Variants in DNAJC13 observed in about 807,000 individuals in gnomAD.
DNAJC13 encodes the protein DnaJ heat shock protein family (Hsp40) member C13.
DNAJC13 carries 75 observed loss-of-function variants against 290.5 expected under a neutral mutation model. The observed-to-expected ratio is 0.26, with a 90% CI of 0.21 to 0.31. The LOEUF (loss-of-function observed/expected upper bound fraction) is 0.31, where lower values mean the gene tolerates loss of function less well. Ranked by LOEUF, DNAJC13 falls within the 10% of genes least tolerant of loss-of-function variation. DNAJC13 has a pLI of 1.00. For missense variants in DNAJC13, 2,260 were observed against 2,674.5 expected (o/e 0.85, Z 3.42); for synonymous variants, 862 against 892.0 (o/e 0.97, Z 0.60).
intron 28 of DNAJC13, among the ~76,000 whole-genome samples, 157 bp downstream of exon 28, chr3:132,483,734 T>C (rs1270109010): frequency 1.3e-5 from 2 of 152,258 alleles, no homozygotes; most frequent in African/African-American, 4.8e-5. Flanking sequence ...ATAAAGAATT[T>C]GCAAATTATA....
At chr3:132,464,984 A>G (rs1171859302) in intron 17 of DNAJC13, among the ~76,000 whole-genome samples, 1 of 152,188 alleles carries the variant, frequency 6.6e-6, no homozygotes, top group Non-Finnish European at 1.5e-5. Context: ...TTTATCTTTT[A>G]CAAATTGCTG....
chr3:132,474,581 C>T (rs1381740685), intron 21 of DNAJC13, among the ~76,000 whole-genome samples: 1 of 151,832 alleles, frequency 6.6e-6, no homozygotes, highest in Non-Finnish European at 1.5e-5. Context: ...TAGCAATAAA[C>T]ATTGAAGTTG....
chr3:132,486,963 T>G (rs1934898108), intron 29 of DNAJC13, among the ~76,000 whole-genome samples: 1 of 152,160 alleles, frequency 6.6e-6, no homozygotes, highest in African/African-American at 2.4e-5. Flanking sequence ...TAGTTGGGTG[T>G]GTGTGCGTGC....
intron 2 of DNAJC13, among the ~76,000 whole-genome samples, chr3:132,442,498 G>A (rs16839259): frequency 0.034 from 5,229 of 152,156 alleles, 177 homozygotes; most frequent in East Asian, 0.13. Context: ...TGCCTCAGTG[G>A]TTTTCCTGTT....
intron 55 of DNAJC13, among the ~76,000 whole-genome samples, chr3:132,532,750 A>T (rs1189124437): frequency 1.3e-5 from 2 of 151,056 alleles, no homozygotes; most frequent in East Asian, 3.9e-4. Context: ...TTTATTATTT[A>T]TTTTTTTGAG....
chr3:132,472,518 TTTTC>T, intron 20 of DNAJC13: 1 of 974,464 alleles, frequency 1.0e-6, no homozygotes, highest in Non-Finnish European at 1.2e-6. Context: ...TCTCTTTTTA[TTTTC>T]TTTAACTTTT....
At position 132,502,434 on chromosome 3, in the gene DNAJC13, G is replaced by A. The variant is rs1318549075; in HGVS notation, c.4682G>A (p.Ser1561Asn). Residue 1561 changes from serine (S) to asparagine (N), a missense_variant, in exon 40 of 56, where the codon AGT becomes AAT. Coordinates refer to ENST00000260818, the MANE Select transcript of DNAJC13 (RefSeq NM_015268.4). ...LFNYDYTLEESGIQKSEETNQ... is the reference protein window; with the variant it reads ...LFNYDYTLEENGIQKSEETNQ... ...AATTATGACTACACACTAGAAGAGA[G>A]TGGCATTCAGAAAAGTGAAGAAACA... 6.2e-7 allele frequency: 1 copy of A among 1,610,102 alleles called. No individual in the cohort carries two copies. The highest frequency in any genetic ancestry group is 1.7e-5 in the Admixed American group (1 of 59,124).
intron 55 of DNAJC13, among the ~76,000 whole-genome samples, chr3:132,537,972 A>AGACT (rs1410997099): frequency 6.6e-6 from 1 of 152,238 alleles, no homozygotes; most frequent in Non-Finnish European, 1.5e-5. Flanking sequence ...TACATTTTGA[A>AGACT]ATGATTTCTA....
intron 13 of DNAJC13, among the ~76,000 whole-genome samples, chr3:132,459,312 A>G (rs1453925811): frequency 6.6e-6 from 1 of 152,228 alleles, no homozygotes; most frequent in South Asian, 2.1e-4. Flanking sequence ...CCTTGAGAAC[A>G]TGATGCTAGT....
In DNAJC13 at chr3:132,471,315, G is replaced by A. The variant is rs1482506958; in HGVS notation, c.2209-1830G>A. On this transcript the variant is annotated intron_variant, in intron 20 of 55. Transcript: ENST00000260818. ...GGGGCTGACCCCCCACCTCCCTCCC[G>A]GACGGGGCGGCTGGCCGGGCGGGGG... Among the ~76,000 whole-genome samples the A allele has an allele frequency of 9.0e-4, 117 of 129,578 alleles. 1 individual carries two copies. In the East Asian group the frequency reaches 0.011, roughly 12 times the overall value. 85.0% of individuals were successfully genotyped at this position (129,578 alleles called of 152,430 possible).
intron 46 of DNAJC13, among the ~76,000 whole-genome samples, chr3:132,515,435 A>T (rs6779627): frequency 6.6e-6 from 1 of 152,146 alleles, no homozygotes; most frequent in South Asian, 2.1e-4. Flanking sequence ...TTGAATTTCC[A>T]TGGAAATTTT....
At chr3:132,424,231 T>G (rs1425418084) in intron 1 of DNAJC13, among the ~76,000 whole-genome samples, 1 of 152,104 alleles carries the variant, frequency 6.6e-6, no homozygotes, top group Non-Finnish European at 1.5e-5. Context: ...AAGGGAAGGG[T>G]CATAGTAATA....
At position 132,487,958 on chromosome 3, in the gene DNAJC13, C is replaced by T. The variant is rs959038528; in HGVS notation, c.3268-340C>T. ...AGAAGCCTTCAGGGGATTCTTGTGTCAGCTCAGCTGAGTTGAAACAAACCG... is the reference window on the plus strand; with the variant it reads ...AGAAGCCTTCAGGGGATTCTTGTGTTAGCTCAGCTGAGTTGAAACAAACCG... On this transcript the variant is annotated intron_variant, in intron 29 of 55. Coordinates refer to ENST00000260818, the MANE Select transcript of DNAJC13 (RefSeq NM_015268.4). Among the ~76,000 whole-genome samples, 7 of 152,106 alleles carry T rather than the reference C, an allele frequency of 4.6e-5. No individual in the cohort carries two copies. The South Asian group carries it at 1.0e-3, about 23-fold the overall frequency.
intron 46 of DNAJC13, among the ~76,000 whole-genome samples, chr3:132,515,373 C>T (rs1278000161): frequency 2.6e-5 from 4 of 152,020 alleles, no homozygotes; most frequent in Non-Finnish European, 5.9e-5. Flanking sequence ...TGTCGTTCAT[C>T]TTATATACCA....
chr3:132,486,321 A>C (rs1317789657), intron 29 of DNAJC13, among the ~76,000 whole-genome samples: 3 of 152,028 alleles, frequency 2.0e-5, no homozygotes, highest in African/African-American at 7.2e-5. Flanking sequence ...CCCTCTCAAC[A>C]TGTGGATAAA....
chr3:132,482,473 A>C, intron 27 of DNAJC13, 143 bp downstream of exon 27: 1 of 590,692 alleles, frequency 1.7e-6, no homozygotes, highest in Non-Finnish European at 2.9e-6. Context: ...CTCAGTTTCC[A>C]CATGAAAAAT....
intron 53 of DNAJC13, among the ~76,000 whole-genome samples, chr3:132,527,167 ATG>A (rs1936284624): frequency 1.3e-5 from 2 of 152,242 alleles, no homozygotes; most frequent in African/African-American, 4.8e-5. Context: ...CATTGTATGC[ATG>A]TGTCATAACA....
Position 132,492,503 on chromosome 3 carries a change from C to T in DNAJC13, c.3713C>T (p.Pro1238Leu), listed in dbSNP as rs1935089092. ...ACAAGAGCACTTTATCAGTATTGCCCCATTCCTATAATCAACTATCCACAA... is the reference window on the plus strand; with the variant it reads ...ACAAGAGCACTTTATCAGTATTGCCTCATTCCTATAATCAACTATCCACAA... ...SNTRALYQYC[P>L]IPIINYPQLE... The change falls in exon 33 of 56, where the codon CCC becomes CTC. Residue 1238 changes from proline to leucine, a missense_variant. By Grantham distance (98) the Pro-to-Leu change is moderately conservative. Transcript: ENST00000260818. The T allele has an allele frequency of 1.2e-6, 2 of 1,613,786 alleles. No individual in the cohort carries two copies. Among genetic ancestry groups the T allele is most frequent in the Middle Eastern group, 1.6e-4 (1 of 6,062 alleles).
At chr3:132,507,404 G>A (rs1935629188) in intron 43 of DNAJC13, 51 bp downstream of exon 43, 1 of 1,058,624 alleles carries the variant, frequency 9.4e-7, no homozygotes, top group Non-Finnish European at 1.5e-6. Context: ...ATTTGTTACT[G>A]AAAGTTACTA....
Sources: gnomAD v4.1 joint callset for allele counts (sites outside exome capture counted in the v4.1 genomes callset) on GRCh38, gnomAD v4.1.1 for gene constraint, MANE v1.5 for transcripts, NCBI Gene and HGNC (gene_info 2026-07-23, HGNC 2026-07-21) for gene names.